Variants in MESD observed in about 807,000 individuals in gnomAD.
MESD encodes mesoderm development LRP chaperone.
A neutral mutation model predicts 12.9 loss-of-function variants in MESD; 7 were observed. That is an observed-to-expected ratio of 0.54 (90% CI 0.31 to 1.02). The LOEUF (loss-of-function observed/expected upper bound fraction) is 1.02, where lower values mean the gene tolerates loss of function less well. Among genes scored for constraint, MESD ranks in the 50% least tolerant of loss-of-function variants. The pLI, the probability that MESD is intolerant of heterozygous loss-of-function variation, is 0.05. For synonymous variants in MESD, 126 were observed against 115.6 expected (o/e 1.09, Z -0.58); for missense variants, 342 against 296.7 (o/e 1.15, Z -1.12).
In MESD at chr15:80,977,327, T is replaced by TACATTA. The variant is rs1902443317; in HGVS notation, c.*1891_*1892insTAATGT. On this transcript the variant is annotated 3_prime_UTR_variant, in exon 3 of 3. Coordinates refer to ENST00000261758, the MANE Select transcript of MESD (RefSeq NM_015154.3). Reference sequence around the variant, plus strand: ...TTACTTTGTACATTACTGACATTTGTCTTCCCCCACCGAATCATTGAGTTT... The same window carrying TACATTA: ...TTACTTTGTACATTACTGACATTTGTACATTACTTCCCCCACCGAATCATTGAGTTT... 1 of 152,266 alleles carries TACATTA rather than the reference T, an allele frequency of 6.6e-6. No homozygotes were observed. The highest frequency in any genetic ancestry group is 2.4e-5 in the African/African-American group (1 of 41,444). 9.4% of individuals were successfully genotyped at this position (152,266 alleles called of 1,614,324 possible).
rs756097775 is a variant in MESD at position 80,989,632 on chromosome 15, CCTT to C, written c.157_159del (p.Lys53del). The C allele has an allele frequency of 4.3e-6, 7 of 1,613,854 alleles. No individual in the cohort carries two copies. Among genetic ancestry groups the C allele is most frequent in the Admixed American group, 1.7e-5 (1 of 60,006 alleles). ...TCTGCATCATTGTAATCGCGAATAT[CCTT>C]CTTCTTCTTCCGGGGAGGTGGGGTA... On this transcript the variant is annotated inframe_deletion, in exon 1 of 3. Transcript: ENST00000261758.
At chr15:80,973,032 C>G (rs1902323918), downstream of MESD, among the ~76,000 whole-genome samples, 1 of 150,840 alleles carries the variant, frequency 6.6e-6, no homozygotes, top group South Asian at 2.1e-4. Flanking sequence ...AAAAAACAAA[C>G]AAACAAAAAA....
chr15:80,975,277 C>T (rs1245754090), downstream of MESD, among the ~76,000 whole-genome samples: 1 of 150,834 alleles, frequency 6.6e-6, no homozygotes. Flanking sequence ...CCTAGCTACT[C>T]GGGAGGCTGA....
downstream of MESD, chr15:80,946,343 G>A (rs1337625827): frequency 1.3e-5 from 2 of 155,566 alleles, no homozygotes; most frequent in East Asian, 3.8e-4. Flanking sequence ...TGCAGATCTT[G>A]TAAAAATGCA....
chr15:80,952,992 AT>A (rs1436919249), intron 3 of MESD: 1 of 455,964 alleles, frequency 2.2e-6, no homozygotes, highest in Non-Finnish European at 4.4e-6. Flanking sequence ...CATCGCCTGG[AT>A]TGGTCAGGGA....
At chr15:80,967,638 T>G (rs1332386640) in intron 3 of MESD, among the ~76,000 whole-genome samples, 1 of 152,150 alleles carries the variant, frequency 6.6e-6, no homozygotes. Context: ...GCAGGAAGAA[T>G]GCGGGCTGGC....
intron 3 of MESD, among the ~76,000 whole-genome samples, chr15:80,968,690 G>C (rs1397934309): frequency 2.0e-5 from 3 of 152,134 alleles, no homozygotes; most frequent in African/African-American, 7.2e-5. Flanking sequence ...GTGCTTCACA[G>C]GGACTTGCTC....
At position 80,982,187 on chromosome 15, in the gene MESD, C is replaced by G. The variant is rs753743718; in HGVS notation, c.214-5G>C. ...TTCTTCAATGTCATCATCTTTCTATCAGATTAGGGGAAAAGCATCAAACCT... is the reference window on the plus strand; with the variant it reads ...TTCTTCAATGTCATCATCTTTCTATGAGATTAGGGGAAAAGCATCAAACCT... On this transcript the variant is annotated splice_polypyrimidine_tract_variant and splice_region_variant and intron_variant, in intron 1 of 2. Coordinates refer to ENST00000261758, the MANE Select transcript of MESD (RefSeq NM_015154.3). 4 of 1,611,598 alleles carry G rather than the reference C, an allele frequency of 2.5e-6. No homozygotes were observed. Among genetic ancestry groups the G allele is most frequent in the Non-Finnish European group, 3.4e-6 (4 of 1,177,896 alleles).
At chr15:80,965,955 TA>T (rs202081748) in intron 3 of MESD, among the ~76,000 whole-genome samples, 8 of 149,970 alleles carry the variant, frequency 5.3e-5, no homozygotes, top group Non-Finnish European at 1.0e-4. Context: ...AGTATAATAA[TA>T]AAAAAAAAGA....
At chr15:80,974,836 CTATT>C (rs1200786290), downstream of MESD, among the ~76,000 whole-genome samples, 1 of 148,850 alleles carries the variant, frequency 6.7e-6, no homozygotes, top group Non-Finnish European at 1.5e-5. Context: ...GAGCTGAATG[CTATT>C]TATTAATTTT....
At chr15:80,957,576 T>C (rs1902010388) in intron 3 of MESD, among the ~76,000 whole-genome samples, 1 of 151,830 alleles carries the variant, frequency 6.6e-6, no homozygotes, top group South Asian at 2.1e-4. Context: ...TGGAAGAAAC[T>C]TGGCAATCCC....
chr15:80,971,769 CAATAATCAGGGACACAGGAAAAAG>C (rs1902293858), downstream of MESD, among the ~76,000 whole-genome samples: 1 of 151,788 alleles, frequency 6.6e-6, no homozygotes, highest in Non-Finnish European at 1.5e-5. Context: ...TGGGACTAAA[CAATAATCAGGGACACAGGAAAAAG>C]TAGGACCTGA....
rs146839605 is a variant in MESD at position 80,962,754 on chromosome 15, T to C, written c.*289-10458A>G. Among the ~76,000 whole-genome samples the C allele has an allele frequency of 2.3e-3, 351 of 152,182 alleles. 1 individual carries two copies. Among genetic ancestry groups the C allele is most frequent in the Non-Finnish European group, 3.7e-3 (251 of 67,998 alleles). ...AATGACTACTGGGTAAATAATGAAA[T>C]GAAGGCAGAAATAAAGATGTTCTTT... On this transcript the variant is annotated intron_variant, in intron 3 of 4. Coordinates refer to the MESD transcript ENST00000561312.
At chr15:80,984,570 A>C (rs10851942) in intron 1 of MESD, among the ~76,000 whole-genome samples, 45,385 of 152,174 alleles carry the variant, frequency 0.3, 9,030 homozygotes, top group African/African-American at 0.57. Flanking sequence ...GAAGGTAGAT[A>C]AGCGATTGCC....
At chr15:80,970,189 T>C (rs1215613190) in intron 3 of MESD, among the ~76,000 whole-genome samples, 1 of 152,164 alleles carries the variant, frequency 6.6e-6, no homozygotes. Flanking sequence ...TAGAGACACA[T>C]GGTGGGGAAG....
intron 3 of MESD, among the ~76,000 whole-genome samples, chr15:80,963,115 A>T (rs2141792191): frequency 6.6e-6 from 1 of 152,362 alleles, no homozygotes; most frequent in Admixed American, 6.5e-5. Flanking sequence ...GAGAAGAATC[A>T]AATAGATGTA....
intron 3 of MESD, among the ~76,000 whole-genome samples, chr15:80,952,584 T>A (rs764974974): frequency 6.6e-6 from 1 of 152,108 alleles, no homozygotes. Flanking sequence ...CTGGGTCTTA[T>A]GCATTGGGTT....
downstream of MESD, chr15:80,947,297 G>T: frequency 2.0e-6 from 1 of 509,328 alleles, no homozygotes; most frequent in Non-Finnish European, 3.6e-6. Context: ...ACCAGCCACT[G>T]AAAGAAAATT....
rs767165398 is a variant in MESD, at chr15:80,975,899, T to C, written c.*3320A>G. On this transcript the variant is annotated 3_prime_UTR_variant, in exon 3 of 3. Transcript: ENST00000261758. ...TGGGAAGATCAATTGAGCCGGTAGGTAGAGACTTCAGTGAGCCGTGATCCT... is the reference window on the plus strand; with the variant it reads ...TGGGAAGATCAATTGAGCCGGTAGGCAGAGACTTCAGTGAGCCGTGATCCT... The C allele has an allele frequency of 6.6e-6, 1 of 152,172 alleles. No individual in the cohort carries two copies. Among genetic ancestry groups the C allele is most frequent in the Non-Finnish European group, 1.5e-5 (1 of 68,030 alleles). 9.4% of individuals were successfully genotyped at this position (152,172 alleles called of 1,614,324 possible).
Sources: gnomAD v4.1 joint callset for allele counts (sites outside exome capture counted in the v4.1 genomes callset) on GRCh38, gnomAD v4.1.1 for gene constraint, MANE v1.5 for transcripts, NCBI Gene and HGNC (gene_info 2026-07-23, HGNC 2026-07-21) for gene names.